SPATA17: variants seen among roughly 807,000 people sequenced by gnomAD.
SPATA17 encodes the protein spermatogenesis-associated protein 17.
SPATA17 carries 53 observed loss-of-function variants against 62.2 expected under a neutral mutation model. The ratio of observed to expected loss-of-function variants is 0.85; its 90% CI spans 0.68 to 1.07. The LOEUF (loss-of-function observed/expected upper bound fraction) is 1.07. Among genes scored for constraint, SPATA17 ranks in the 50% least tolerant of loss-of-function variants. The probability of loss-of-function intolerance (pLI) is 0.00; values close to 1 mark genes in which losing one functional copy is unlikely to be tolerated. For synonymous variants in SPATA17, 146 were observed against 146.8 expected, an observed-to-expected ratio of 0.99 and a Z score of 0.04; for missense variants, 466 against 425.5, an observed-to-expected ratio of 1.10 and a Z score of -0.84.
chr1:217,767,261 G>GT (rs1343666822), intron 6 of SPATA17, among the ~76,000 whole-genome samples: 2 of 152,048 alleles, frequency 1.3e-5, no homozygotes, highest in African/African-American at 4.8e-5. Flanking sequence ...AGGGTAAGGT[G>GT]TTTTTTCTTT....
chr1:217,759,764 G>C (rs766525309), intron 6 of SPATA17, among the ~76,000 whole-genome samples: 2 of 152,172 alleles, frequency 1.3e-5, no homozygotes, highest in Admixed American at 1.3e-4. Context: ...GCAGTAGTTT[G>C]AGAACGAGTA....
intron 5 of SPATA17, among the ~76,000 whole-genome samples, chr1:217,706,651 C>T (rs12117245): frequency 0.14 from 20,979 of 152,160 alleles, 1,542 homozygotes; most frequent in Non-Finnish European, 0.16. Context: ...AAATTAAACC[C>T]CTTTCCTTTA....
At chr1:217,776,530 A>T (rs1673592387) in intron 7 of SPATA17, among the ~76,000 whole-genome samples, 2 of 151,964 alleles carry the variant, frequency 1.3e-5, no homozygotes, top group South Asian at 4.1e-4. Context: ...AAGTTCTCTC[A>T]TGATGTTGTA....
chr1:217,813,445 A>G (rs1288850975), intron 9 of SPATA17, among the ~76,000 whole-genome samples: 2 of 152,198 alleles, frequency 1.3e-5, no homozygotes, highest in East Asian at 3.8e-4. Flanking sequence ...CTTTCTATTT[A>G]AACAGACCAG....
At chr1:217,821,617 T>A (rs1360332780) in intron 9 of SPATA17, among the ~76,000 whole-genome samples, 1 of 151,768 alleles carries the variant, frequency 6.6e-6, no homozygotes, top group Non-Finnish European at 1.5e-5. Context: ...AAAATTCGAA[T>A]AAGTTTGGCT....
intron 8 of SPATA17, among the ~76,000 whole-genome samples, chr1:217,800,441 T>C (rs1221888327): frequency 2.0e-5 from 3 of 150,782 alleles, no homozygotes; most frequent in Non-Finnish European, 4.4e-5. Flanking sequence ...ATATTCCATT[T>C]GGTGCCTCCC....
chr1:217,712,132 TG>T lies in SPATA17; in HGVS notation c.395+28772del, dbSNP rs201231462. The stretch of plus-strand genomic sequence containing the variant: ...CCTTAAGTTCTACAATATGTTCTTT[TG>T]TTTTTTTTTTTTTACGGAGTTTCGC... On this transcript the variant is annotated intron_variant, in intron 5 of 10. Coordinates refer to ENST00000366933, the MANE Select transcript of SPATA17 (RefSeq NM_138796.4). 1.2e-3 allele frequency among the ~76,000 whole-genome samples: 168 copies of T among 145,798 alleles called. 5 individuals are homozygous for T. Among genetic ancestry groups the T allele is most frequent in the Middle Eastern group, 3.5e-3 (1 of 288 alleles).
intron 9 of SPATA17, among the ~76,000 whole-genome samples, chr1:217,826,338 A>C (rs990399095): frequency 6.6e-6 from 1 of 152,136 alleles, no homozygotes; most frequent in South Asian, 2.1e-4. Flanking sequence ...ATCTCTTTGT[A>C]GGCCCAAATA....
chr1:217,675,346 T>C (rs1195273979), intron 4 of SPATA17, among the ~76,000 whole-genome samples: 1 of 152,194 alleles, frequency 6.6e-6, no homozygotes, highest in Non-Finnish European at 1.5e-5. Flanking sequence ...TTTACACTAA[T>C]GTTTGTAAAT....
At chr1:217,760,959 G>T (rs759757900) in intron 6 of SPATA17, among the ~76,000 whole-genome samples, 15 of 152,070 alleles carry the variant, frequency 9.9e-5, no homozygotes, top group Non-Finnish European at 2.1e-4. Context: ...TTTTTCTTAG[G>T]GCACACAGTC....
At chr1:217,805,889 G>T (rs557747055) in intron 9 of SPATA17, among the ~76,000 whole-genome samples, 35 of 152,188 alleles carry the variant, frequency 2.3e-4, no homozygotes, top group Non-Finnish European at 4.7e-4. Flanking sequence ...GTTACTGCAG[G>T]TGTATTTAAT....
At chr1:217,734,818 C>A (rs1672476668) in intron 5 of SPATA17, among the ~76,000 whole-genome samples, 1 of 152,100 alleles carries the variant, frequency 6.6e-6, no homozygotes, top group South Asian at 2.1e-4. Context: ...TGTAGTATAT[C>A]ATAGACCACC....
chr1:217,717,682 G>A (rs1672039413), intron 5 of SPATA17, among the ~76,000 whole-genome samples: 1 of 151,910 alleles, frequency 6.6e-6, no homozygotes, highest in South Asian at 2.1e-4. Flanking sequence ...TCTCTACCAT[G>A]TGATGCAGAT....
chr1:217,834,216 T>C (rs928270022), intron 9 of SPATA17, among the ~76,000 whole-genome samples: 3 of 152,200 alleles, frequency 2.0e-5, no homozygotes, highest in Admixed American at 6.6e-5. Flanking sequence ...ATAGCACATA[T>C]GATTATGTAC....
chr1:217,648,915 T>C lies in SPATA17; in HGVS notation c.102T>C (p.Asp34=). The change falls in exon 2 of 11, where the codon GAT becomes GAC. Residue 34 remains aspartate, a synonymous_variant. Transcript: ENST00000366933. The stretch of plus-strand genomic sequence containing the variant: ...ATCCATTTAGAAAAAAGGAGAATGA[T>C]GCAGCAGTTAAAATCCAAAGCTGGT... ...VVDPFRKKEN[D]AAVKIQSWFR... 2 of 1,610,102 alleles carry C rather than the reference T, an allele frequency of 1.2e-6. No homozygotes were observed. The highest frequency in any genetic ancestry group is 2.2e-5 in the South Asian group (2 of 90,314).
chr1:217,775,872 A>C (rs1443084256), intron 7 of SPATA17, among the ~76,000 whole-genome samples: 2 of 152,112 alleles, frequency 1.3e-5, no homozygotes, highest in Non-Finnish European at 2.9e-5. Context: ...TTTGGCATTA[A>C]ATCTTGTTAT....
At chr1:217,839,806 A>C (rs1675350390) in intron 9 of SPATA17, among the ~76,000 whole-genome samples, 1 of 152,204 alleles carries the variant, frequency 6.6e-6, no homozygotes, top group South Asian at 2.1e-4. Flanking sequence ...ATTAATATAC[A>C]GATGTTAGCT....
At chr1:217,865,831 T>C (rs1675999685) in intron 10 of SPATA17, among the ~76,000 whole-genome samples, 1 of 152,224 alleles carries the variant, frequency 6.6e-6, no homozygotes, top group African/African-American at 2.4e-5. Context: ...CAAAATGGGC[T>C]TTGGTCCAGG....
At chr1:217,823,318 A>G (rs1674912788) in intron 9 of SPATA17, among the ~76,000 whole-genome samples, 2 of 151,960 alleles carry the variant, frequency 1.3e-5, no homozygotes, top group South Asian at 4.1e-4. Flanking sequence ...CAGAACTAAG[A>G]ACGGAATGGG....
Sources: gnomAD v4.1 joint callset for allele counts (sites outside exome capture counted in the v4.1 genomes callset) on GRCh38, gnomAD v4.1.1 for gene constraint, MANE v1.5 for transcripts, NCBI Gene and HGNC (gene_info 2026-07-23, HGNC 2026-07-21) for gene names.